GART: variants seen among roughly 807,000 people sequenced by gnomAD.
GART encodes the protein trifunctional purine biosynthetic protein adenosine-3.
GART carries 43 observed loss-of-function variants against 107.2 expected under a neutral mutation model. The ratio of observed to expected loss-of-function variants is 0.40; its 90% CI spans 0.31 to 0.52. The LOEUF (loss-of-function observed/expected upper bound fraction) is 0.52, where lower values mean the gene tolerates loss of function less well. GART is among the 20% of genes least tolerant of loss of function. GART has a pLI of 0.52. For synonymous variants in GART, 434 were observed against 427.0 expected (o/e 1.02, Z -0.20); for missense variants, 1,107 against 1,206.5 (o/e 0.92, Z 1.22).
intron 11 of GART, among the ~76,000 whole-genome samples, chr21:33,523,655 T>C (rs965150814): frequency 1.3e-5 from 2 of 152,052 alleles, no homozygotes; most frequent in African/African-American, 4.8e-5. Context: ...TCACGAACAA[T>C]AGCAAATGTG....
At chr21:33,513,105 CTGTGTGTGTGTGTG>C (rs3057407) in intron 16 of GART, among the ~76,000 whole-genome samples, 32 of 144,556 alleles carry the variant, frequency 2.2e-4, no homozygotes, top group African/African-American at 7.0e-4. Context: ...GTGTGTGTCT[CTGTGTGTGTGTGTG>C]TGTGTGTGTG....
rs79803036 is a variant in GART at position 33,504,393 on chromosome 21, T to C, written c.2841+19A>G. The C allele has an allele frequency of 4.3e-6, 7 of 1,610,304 alleles. No homozygotes were observed. Among genetic ancestry groups the C allele is most frequent in the East Asian group, 2.2e-5 (1 of 44,824 alleles). ...CATCTGACTACTAATATTATGTTGG[T>C]AGAAAAAGACATACTCACAGCTACA... On this transcript the variant is annotated intron_variant, in intron 21 of 21. Coordinates refer to ENST00000381815, the MANE Select transcript of GART (RefSeq NM_000819.5).
intron 14 of GART, among the ~76,000 whole-genome samples, chr21:33,520,098 C>CA (rs1255850287): frequency 6.6e-6 from 1 of 151,840 alleles, no homozygotes; most frequent in Non-Finnish European, 1.5e-5. Context: ...AAAAGGTGGC[C>CA]AAAAATTGGG....
At position 33,520,592 on chromosome 21, in the gene GART, T is replaced by C. The variant is rs759887101; in HGVS notation, c.1504-30A>G. The C allele has an allele frequency of 5.7e-6, 9 of 1,576,266 alleles. No individual in the cohort carries two copies. The South Asian group carries it at 6.7e-5, about 12-fold the overall frequency. On this transcript the variant is annotated intron_variant, in intron 13 of 21. Transcript: ENST00000381815. ...GTAAGAACAATATAAACATCCACAT[T>C]AGGGAATAAGTTCAAAATTGTATCT...
At chr21:33,514,549 G>T (rs544788625) in intron 16 of GART, among the ~76,000 whole-genome samples, 1 of 152,148 alleles carries the variant, frequency 6.6e-6, no homozygotes, top group Non-Finnish European at 1.5e-5. Flanking sequence ...GCTATGATGG[G>T]AGTATTTATA....
At chr21:33,528,673 T>G (rs1397938287) in intron 8 of GART, 69 bp from the exon 9 acceptor site, 2 of 1,082,182 alleles carry the variant, frequency 1.8e-6, no homozygotes, top group African/African-American at 1.9e-5. Context: ...GTATTACAAA[T>G]ATAAAATCTA....
rs569247693 is a variant in GART at position 33,510,102 on chromosome 21, A to G, written c.2315-182T>C. On this transcript the variant is annotated intron_variant, in intron 17 of 21. Coordinates refer to ENST00000381815, the MANE Select transcript of GART (RefSeq NM_000819.5). The stretch of plus-strand genomic sequence containing the variant: ...CACTACTCTTTCATAAAAACTTCCA[A>G]AAGGTGAACATATGTAATTACTTCA... The G allele has an allele frequency of 7.4e-5, 43 of 584,054 alleles. 1 individual carries two copies. The East Asian group carries it at 1.2e-3, about 16-fold the overall frequency. The allele number at this position is 584,054 out of a possible 1,614,324, so 36.2% of individuals were successfully genotyped here. A position where few individuals can be genotyped will look rare whatever the true frequency, so the allele number is the denominator to read the frequency against.
At position 33,528,532 on chromosome 21, in the gene GART, T is replaced by A; in HGVS notation, c.884A>T (p.Asp295Val). The A allele has an allele frequency of 6.2e-7, 1 of 1,608,896 alleles. No individual in the cohort carries two copies. The highest frequency in any genetic ancestry group is 8.5e-7 in the Non-Finnish European group (1 of 1,178,702). The change falls in exon 9 of 22, where the codon GAT becomes GTT. Residue 295 changes from aspartate (D) to valine (V), a missense_variant. By Grantham distance (152) the Asp-to-Val change is radical. Coordinates refer to ENST00000381815, the MANE Select transcript of GART (RefSeq NM_000819.5). Reference protein sequence around the residue: ...KVLEFNCRFGDPECQVILPLL... With the variant: ...KVLEFNCRFGVPECQVILPLL... ...ATTTTTACCCACTTGGCACTCTGGA[T>A]CACCAAAACGGCAATTAAACTCTAG... is the stretch of plus-strand genomic sequence containing the variant.
chr21:33,505,439 A>C, intron 20 of GART, 122 bp downstream of exon 20: 1 of 714,930 alleles, frequency 1.4e-6, no homozygotes. Flanking sequence ...AAAATATCAC[A>C]GTCAAACAGG....
chr21:33,534,508 C>T, intron 4 of GART, 71 bp downstream of exon 4: 1 of 1,537,980 alleles, frequency 6.5e-7, no homozygotes. Context: ...AGCTACTGTG[C>T]CTGGCCACTG....
intron 12 of GART, 101 bp from the exon 13 acceptor site, chr21:33,521,116 T>C: frequency 1.2e-6 from 1 of 840,028 alleles, no homozygotes; most frequent in South Asian, 1.6e-5. Context: ...TTTAGCGGCC[T>C]GTGAGATGTA....
intron 10 of GART, 55 bp from the exon 11 acceptor site, chr21:33,525,055 G>A (rs955259473): frequency 2.6e-5 from 40 of 1,542,978 alleles, no homozygotes; most frequent in African/African-American, 1.7e-4. Flanking sequence ...ATTTCACACC[G>A]TGAAGTGATT....
chr21:33,528,591 A>G lies in GART; in HGVS notation c.825T>C (p.Ala275=). Residue 275 remains alanine (A), a synonymous_variant, in exon 9 of 22, where the codon GCT becomes GCC. Coordinates refer to ENST00000381815, the MANE Select transcript of GART (RefSeq NM_000819.5). ...EGTPYTGILY[A]GIMLTKNGPK... ...GGCCATTCTTGGTCAGCATTATTCC[A>G]GCATAGAGAATACCTTCATTAAAAA... The G allele has an allele frequency of 1.3e-6, 2 of 1,572,106 alleles. No individual in the cohort carries two copies. Among genetic ancestry groups the G allele is most frequent in the Admixed American group, 2.0e-5 (1 of 49,136 alleles).
intron 11 of GART, among the ~76,000 whole-genome samples, chr21:33,522,790 T>A (rs570829880): frequency 1.3e-5 from 2 of 152,296 alleles, no homozygotes; most frequent in African/African-American, 4.8e-5. Context: ...CATTCCCCAC[T>A]ACCCCAGACC....
chr21:33,536,396 A>C (rs1330233432), intron 2 of GART, among the ~76,000 whole-genome samples: 2 of 152,228 alleles, frequency 1.3e-5, no homozygotes, highest in Non-Finnish European at 2.9e-5. Context: ...CTGGACCACC[A>C]TTCGTTAAGT....
intron 7 of GART, among the ~76,000 whole-genome samples, chr21:33,529,263 A>G (rs147594745): frequency 1.3e-5 from 2 of 152,300 alleles, no homozygotes; most frequent in African/African-American, 4.8e-5. Flanking sequence ...TGCATATTTC[A>G]TAAGTCTATA....
chr21:33,533,911 G>C (rs192115312), intron 4 of GART, among the ~76,000 whole-genome samples: 7 of 151,700 alleles, frequency 4.6e-5, no homozygotes, highest in Admixed American at 2.6e-4. Context: ...TCTCAGGTTG[G>C]GGGGTGGTGG....
intron 7 of GART, 42 bp downstream of exon 7, chr21:33,530,717 A>G: frequency 7.3e-7 from 1 of 1,362,084 alleles, no homozygotes; most frequent in Non-Finnish European, 9.5e-7. Flanking sequence ...CTCTGAGAAA[A>G]CCAAACTACT....
chr21:33,514,508 T>C (rs1252241894), intron 16 of GART, among the ~76,000 whole-genome samples: 1 of 152,184 alleles, frequency 6.6e-6, no homozygotes, highest in Non-Finnish European at 1.5e-5. Context: ...AGCCAGCTTG[T>C]AGAGACTGTT....
Sources: gnomAD v4.1 joint callset for allele counts (sites outside exome capture counted in the v4.1 genomes callset) on GRCh38, gnomAD v4.1.1 for gene constraint, MANE v1.5 for transcripts, NCBI Gene and HGNC (gene_info 2026-07-23, HGNC 2026-07-21) for gene names.